Variants in FAM107A observed in about 807,000 individuals in gnomAD.
FAM107A encodes family with sequence similarity 107 member A, also known as actin-associated protein FAM107A.
FAM107A carries 19 observed loss-of-function variants against 13.7 expected under a neutral mutation model. That is an observed-to-expected ratio of 1.38 (90% CI 0.97 to 2.03). FAM107A has a LOEUF of 2.03. FAM107A is among the 30% of genes most tolerant of loss of function. The probability of loss-of-function intolerance (pLI) is 0.00; values close to 1 mark genes in which losing one functional copy is unlikely to be tolerated. For missense variants in FAM107A, 203 were observed against 184.4 expected, an observed-to-expected ratio of 1.10 and a Z score of -0.58; for synonymous variants, 82 against 74.5, an observed-to-expected ratio of 1.10 and a Z score of -0.52.
chr3:58,567,765 T>A (rs1199600987), intron 2 of FAM107A, among the ~76,000 whole-genome samples: 1 of 152,206 alleles, frequency 6.6e-6, no homozygotes, highest in Non-Finnish European at 1.5e-5. Context: ...CTCTGAACAG[T>A]GTACAAGAGC....
At position 58,625,532 on chromosome 3, in the gene FAM107A, A is replaced by AT. The variant is rs1248382675; in HGVS notation, c.-70+1883dup. ...ACCCTCAGATCACACTAAGGCCAAC[A>AT]TTTTTTTGTACCTGGGGCCTGTAAG... On this transcript the variant is annotated intron_variant, in intron 1 of 3. Transcript: ENST00000465970. Among the ~76,000 whole-genome samples, 4 of 152,232 alleles carry AT rather than the reference A, an allele frequency of 2.6e-5. No homozygotes were observed. The East Asian group carries it at 5.8e-4, about 22-fold the overall frequency.
chr3:58,617,186 G>A lies in FAM107A; in HGVS notation c.-70+10230C>T, dbSNP rs1253053064. The stretch of plus-strand genomic sequence containing the variant: ...CATGGGACCTTCACAGACGCTGGCC[G>A]GTTCAGGGCCTGCAGGTCTCAATGG... On this transcript the variant is annotated intron_variant, in intron 1 of 3. Transcript: ENST00000465970. This position sits in a 1 kb window ranked among gnomAD's most constrained non-coding sequence, Gnocchi z 4.5. Among the ~76,000 whole-genome samples the A allele has an allele frequency of 2.0e-5, 3 of 152,166 alleles. No homozygotes were observed. Among genetic ancestry groups the A allele is most frequent in the Non-Finnish European group, 2.9e-5 (2 of 68,028 alleles).
At chr3:58,580,982 G>A (rs2065532992), upstream of FAM107A, among the ~76,000 whole-genome samples, 1 of 127,466 alleles carries the variant, frequency 7.8e-6, no homozygotes, top group Non-Finnish European at 1.6e-5. Context: ...ATCAGAATAT[G>A]GGAAAACAGA....
At chr3:58,567,015 T>G in intron 3 of FAM107A, 193 bp downstream of exon 3, 1 of 660,746 alleles carries the variant, frequency 1.5e-6, no homozygotes, top group African/African-American at 1.8e-5. Context: ...AAGCTGAGGT[T>G]CAGGGAAGCC....
chr3:58,614,527 G>C (rs1316567871), intron 1 of FAM107A, among the ~76,000 whole-genome samples: 1 of 134,868 alleles, frequency 7.4e-6, no homozygotes, highest in African/African-American at 2.9e-5. Flanking sequence ...TTTTTGAGAT[G>C]CAGTTTTGCT....
chr3:58,566,591 C>T lies in FAM107A; in HGVS notation c.432G>A (p.Leu144=), dbSNP rs747798233. ...IATLTSEERE[L] is the part of the protein sequence containing the mutation. ...GGCCTGAGCCCGGCAGCTGGCCCTA[C>T]AGCTCTCTCTCTTCGCTGGTCAGTG... The change falls in exon 4 of 4, where the codon CTG becomes CTA. Residue 144 remains leucine, a synonymous_variant. Coordinates refer to ENST00000360997, the MANE Select transcript of FAM107A (RefSeq NM_001076778.3). 1 of 1,612,330 alleles carries T rather than the reference C, an allele frequency of 6.2e-7. No individual in the cohort carries two copies. The highest frequency in any genetic ancestry group is 1.1e-5 in the South Asian group (1 of 91,016).
chr3:58,611,100 C>A (rs1360818003), intron 1 of FAM107A, among the ~76,000 whole-genome samples: 1 of 152,182 alleles, frequency 6.6e-6, no homozygotes, highest in African/African-American at 2.4e-5. Context: ...GAAGAAAGTG[C>A]CTTTCTTTCC....
intron 1 of FAM107A, among the ~76,000 whole-genome samples, chr3:58,622,240 A>G (rs2065963183): frequency 6.6e-6 from 1 of 152,150 alleles, no homozygotes; most frequent in Admixed American, 6.5e-5. Flanking sequence ...GGAGTTCGAG[A>G]CCAGCCTGGC....
intron 1 of FAM107A, among the ~76,000 whole-genome samples, chr3:58,614,107 G>A (rs1273863532): frequency 6.6e-6 from 1 of 152,206 alleles, no homozygotes; most frequent in African/African-American, 2.4e-5. Context: ...AAGAGAGCCC[G>A]TAGCCATTTC....
chr3:58,586,756 G>T, intron 1 of FAM107A: 1 of 1,224,404 alleles, frequency 8.2e-7, no homozygotes, highest in South Asian at 1.7e-5. Context: ...GAGCAACGAA[G>T]CAGAGGCGCC....
chr3:58,624,838 CA>C (rs2065996043), intron 1 of FAM107A, among the ~76,000 whole-genome samples: 1 of 152,202 alleles, frequency 6.6e-6, no homozygotes, highest in African/African-American at 2.4e-5. Context: ...CACATACTAC[CA>C]ACTATTTTTT....
At chr3:58,614,882 T>C (rs1169869176) in intron 1 of FAM107A, among the ~76,000 whole-genome samples, 1 of 152,202 alleles carries the variant, frequency 6.6e-6, no homozygotes, top group Non-Finnish European at 1.5e-5. Flanking sequence ...CTTGGCTCAC[T>C]GCAACCTCCG....
At chr3:58,570,583 C>CAGAGAGAGAGAGAGAGAGAG (rs371909507) in intron 1 of FAM107A, among the ~76,000 whole-genome samples, 20 of 91,074 alleles carry the variant, frequency 2.2e-4, no homozygotes, top group Non-Finnish European at 4.1e-4. Context: ...GCAAATACAG[C>CAGAGAGAGAGAGAGAGAGAG]AGAGAGAGAG....
intron 1 of FAM107A, among the ~76,000 whole-genome samples, chr3:58,606,384 C>G (rs898390382): frequency 6.6e-6 from 1 of 152,234 alleles, no homozygotes; most frequent in Non-Finnish European, 1.5e-5. Context: ...GTGTGAGCCA[C>G]CATGCCCGGC....
intron 1 of FAM107A, among the ~76,000 whole-genome samples, chr3:58,601,875 T>C (rs1490698058): frequency 6.6e-6 from 1 of 152,230 alleles, no homozygotes; most frequent in East Asian, 1.9e-4. Flanking sequence ...ATATTTTCGT[T>C]AAGCAGATCT....
chr3:58,616,221 A>G (rs958350512), intron 1 of FAM107A, among the ~76,000 whole-genome samples: 15 of 152,288 alleles, frequency 9.8e-5, no homozygotes, highest in African/African-American at 3.6e-4. Context: ...GCAGCTGGAC[A>G]GGAGCTACAT....
intron 1 of FAM107A, among the ~76,000 whole-genome samples, chr3:58,571,289 C>T (rs1320971709): frequency 6.6e-6 from 1 of 152,080 alleles, no homozygotes; most frequent in African/African-American, 2.4e-5. Flanking sequence ...CAAGTAAGAC[C>T]ACATACGTAA....
At chr3:58,625,212 T>A (rs1347190452) in intron 1 of FAM107A, among the ~76,000 whole-genome samples, 1 of 152,110 alleles carries the variant, frequency 6.6e-6, no homozygotes, top group Non-Finnish European at 1.5e-5. Context: ...AAAACCGGGT[T>A]TCTGGCCATG....
chr3:58,577,751 G>A (rs1255201640), upstream of FAM107A: 1 of 985,168 alleles, frequency 1.0e-6, no homozygotes, highest in Non-Finnish European at 1.2e-6. The surrounding 1 kb of genome is among the most constrained non-coding windows in gnomAD (Gnocchi z 4.9). Flanking sequence ...GGGAAGCCAA[G>A]CTTCCTGAGG....
Sources: gnomAD v4.1 joint callset for allele counts (sites outside exome capture counted in the v4.1 genomes callset) on GRCh38, gnomAD v4.1.1 for gene constraint, Gnocchi (gnomAD v3.1) non-coding constraint, MANE v1.5 for transcripts, NCBI Gene and HGNC (gene_info 2026-07-23, HGNC 2026-07-21) for gene names.